The following GSG1L variants were observed in gnomAD, a reference collection of about 807,000 sequenced individuals.
GSG1L encodes the protein germ cell-specific gene 1-like protein.
In GSG1L, 24 loss-of-function variants were observed where a neutral mutation model predicts 42.1. That is an observed-to-expected ratio of 0.57 (90% CI 0.41 to 0.80). GSG1L has a LOEUF of 0.80. Among genes scored for constraint, GSG1L ranks in the 30% least tolerant of loss-of-function variants. The pLI, the probability that GSG1L is intolerant of heterozygous loss-of-function variation, is 0.00. For missense variants in GSG1L, 445 were observed against 472.2 expected, an observed-to-expected ratio of 0.94 and a Z score of 0.53; for synonymous variants, 215 against 203.5, an observed-to-expected ratio of 1.06 and a Z score of -0.48.
intron 3 of GSG1L, among the ~76,000 whole-genome samples, chr16:27,874,429 G>A (rs745668053): frequency 7.1e-4 from 95 of 134,296 alleles, no homozygotes; most frequent in Non-Finnish European, 1.3e-3. Flanking sequence ...GGACACTGAA[G>A]CACAGGAGAG....
At chr16:27,960,874 A>G (rs2085062571) in intron 2 of GSG1L, among the ~76,000 whole-genome samples, 1 of 152,176 alleles carries the variant, frequency 6.6e-6, no homozygotes, top group Admixed American at 6.5e-5. Flanking sequence ...ACACAGCCAG[A>G]AGGTTCTCGG....
At chr16:27,903,745 A>G (rs2141044895) in intron 2 of GSG1L, among the ~76,000 whole-genome samples, 1 of 152,232 alleles carries the variant, frequency 6.6e-6, no homozygotes, top group East Asian at 1.9e-4. Flanking sequence ...GACAGAGTGC[A>G]GTATCCTGGC....
At chr16:28,056,072 C>A (rs1397760336) in intron 1 of GSG1L, among the ~76,000 whole-genome samples, 1 of 152,182 alleles carries the variant, frequency 6.6e-6, no homozygotes, top group Non-Finnish European at 1.5e-5. Flanking sequence ...TCGCTGCCCA[C>A]AGAAGCCCTG....
intron 1 of GSG1L, among the ~76,000 whole-genome samples, chr16:28,011,063 G>T (rs1223285004): frequency 6.6e-6 from 1 of 152,176 alleles, no homozygotes; most frequent in Non-Finnish European, 1.5e-5. Context: ...AGAATGAAAG[G>T]CAGCCCTGTA....
chr16:27,907,297 G>A (rs575800308), intron 2 of GSG1L, among the ~76,000 whole-genome samples: 30 of 152,268 alleles, frequency 2.0e-4, no homozygotes, highest in East Asian at 3.9e-4. Context: ...TTGTGGGAGC[G>A]CCTGGATCCA....
intron 1 of GSG1L, among the ~76,000 whole-genome samples, chr16:28,007,095 G>A (rs749351746): frequency 5.3e-5 from 8 of 152,170 alleles, no homozygotes; most frequent in Non-Finnish European, 1.0e-4. Context: ...CCCCCACCAC[G>A]AAGTCCACGT....
intron 2 of GSG1L, among the ~76,000 whole-genome samples, chr16:27,920,623 T>TG (rs1404519871): frequency 6.6e-6 from 1 of 152,214 alleles, no homozygotes; most frequent in Non-Finnish European, 1.5e-5. Flanking sequence ...GCCGGTCACT[T>TG]GCTATAGCAG....
chr16:27,967,666 C>T (rs1292587300), intron 1 of GSG1L, among the ~76,000 whole-genome samples: 2 of 152,168 alleles, frequency 1.3e-5, no homozygotes, highest in African/African-American at 2.4e-5. Context: ...TGGCTCATGC[C>T]TATAATCTCA....
chr16:27,808,267 T>C (rs2082990815), intron 5 of GSG1L, among the ~76,000 whole-genome samples: 1 of 152,178 alleles, frequency 6.6e-6, no homozygotes, highest in Non-Finnish European at 1.5e-5. Context: ...TAAATTTTTC[T>C]ATAGAGATAG....
chr16:28,025,991 C>G (rs1438880915), intron 1 of GSG1L, among the ~76,000 whole-genome samples: 1 of 152,200 alleles, frequency 6.6e-6, no homozygotes, highest in Non-Finnish European at 1.5e-5. Context: ...ACCTGCATGG[C>G]TAGGATTGCA....
In GSG1L at chr16:27,872,335, C is replaced by T. The variant is rs535112409; in HGVS notation, c.550+12151G>A. Among the ~76,000 whole-genome samples the T allele has an allele frequency of 3.3e-5, 5 of 152,292 alleles. No individual in the cohort carries two copies. The East Asian group carries it at 5.8e-4, about 18-fold the overall frequency. ...GAAGGGGCCGTATGGACATGGATGG[C>T]CAGCAGTAGACTACATGGACCAGTC... is the stretch of plus-strand genomic sequence containing the variant. On this transcript the variant is annotated intron_variant, in intron 3 of 6. Coordinates refer to ENST00000447459, the MANE Select transcript of GSG1L (RefSeq NM_001109763.2).
Position 27,884,782 on chromosome 16 carries a change from G to T in GSG1L, c.398-144C>A. On this transcript the variant is annotated intron_variant, in intron 2 of 6. Transcript: ENST00000447459. The surrounding 1 kb of genome is among the most constrained non-coding windows in gnomAD (Gnocchi z 4.4). ...CTGGGGGAGGTCCTGATGGAAGCCT[G>T]TCATGGCCGTCCCATCCTTGTCTGC... 1.3e-6 allele frequency: 1 copy of T among 762,124 alleles called. No individual in the cohort carries two copies. The highest frequency in any genetic ancestry group is 2.0e-6 in the Non-Finnish European group (1 of 493,558). 47.2% of individuals were successfully genotyped at this position (762,124 alleles called of 1,614,324 possible). A position where few individuals can be genotyped will look rare whatever the true frequency, so the allele number is the denominator to read the frequency against.
intron 2 of GSG1L, among the ~76,000 whole-genome samples, chr16:27,944,241 AAAAGGTTTT>A (rs1249979691): frequency 6.6e-6 from 1 of 152,216 alleles, no homozygotes; most frequent in African/African-American, 2.4e-5. Flanking sequence ...CCCAATTTTA[AAAAGGTTTT>A]AAAAATAAAT....
At chr16:27,850,041 T>G (rs1159399873) in intron 3 of GSG1L, among the ~76,000 whole-genome samples, 4 of 140,532 alleles carry the variant, frequency 2.8e-5, no homozygotes, top group Non-Finnish European at 6.1e-5. Context: ...TTTTTTTTTT[T>G]TTTTGAGATG....
Position 27,924,071 on chromosome 16 carries a change from T to C in GSG1L, c.397+39085A>G, listed in dbSNP as rs560701007. On this transcript the variant is annotated intron_variant, in intron 2 of 6. Coordinates refer to ENST00000447459, the MANE Select transcript of GSG1L (RefSeq NM_001109763.2). ...CAGTTTCATATTTAAGTGCTTGATA[T>C]TTATAAATGTAATATTTATATTTAT... Among the ~76,000 whole-genome samples, 8 of 152,170 alleles carry C rather than the reference T, an allele frequency of 5.3e-5. No homozygotes were observed. In the East Asian group the frequency reaches 1.5e-3, roughly 29 times the overall value.
intron 3 of GSG1L, among the ~76,000 whole-genome samples, chr16:27,865,560 T>TATACAC (rs2083708682): frequency 3.7e-5 from 1 of 27,290 alleles, no homozygotes; most frequent in Non-Finnish European, 6.3e-5. Context: ...TATATATATA[T>TATACAC]ATATATATAT....
At chr16:27,957,072 G>A (rs2085014055) in intron 2 of GSG1L, among the ~76,000 whole-genome samples, 1 of 152,328 alleles carries the variant, frequency 6.6e-6, no homozygotes, top group African/African-American at 2.4e-5. Flanking sequence ...ACATCAACTG[G>A]GTGCGGTGGC....
rs955817732 is a variant in GSG1L, at chr16:27,788,911, C to T, written c.*2459G>A. On this transcript the variant is annotated 3_prime_UTR_variant, in exon 7 of 7. Coordinates refer to ENST00000447459, the MANE Select transcript of GSG1L (RefSeq NM_001109763.2). ...CAAGTGGAGAAGGTGGAATCTGAAC[C>T]CAGGCTCACGACAATAGATGCCCTC... 2 of 152,250 alleles carry T rather than the reference C, an allele frequency of 1.3e-5. No homozygotes were observed. Among genetic ancestry groups the T allele is most frequent in the African/African-American group, 4.8e-5 (2 of 41,454 alleles). The allele number at this position is 152,250 out of a possible 1,614,324, so 9.4% of individuals were successfully genotyped here. A position where few individuals can be genotyped will look rare whatever the true frequency, so the allele number is the denominator to read the frequency against.
intron 5 of GSG1L, among the ~76,000 whole-genome samples, chr16:27,820,142 G>A (rs1198637065): frequency 2.0e-5 from 3 of 152,164 alleles, no homozygotes; most frequent in African/African-American, 7.2e-5. Flanking sequence ...TCATGAATGA[G>A]TCTTGGACAT....
Sources: gnomAD v4.1 joint callset for allele counts (sites outside exome capture counted in the v4.1 genomes callset) on GRCh38, gnomAD v4.1.1 for gene constraint, Gnocchi (gnomAD v3.1) non-coding constraint, MANE v1.5 for transcripts, NCBI Gene and HGNC (gene_info 2026-07-23, HGNC 2026-07-21) for gene names.